ITPR1: variants seen among roughly 807,000 people sequenced by gnomAD.
ITPR1 encodes the protein inositol 1,4,5-trisphosphate-gated calcium channel ITPR1.
ITPR1 carries 96 observed loss-of-function variants against 318.4 expected under a neutral mutation model. That is an observed-to-expected ratio of 0.30 (90% CI 0.26 to 0.36). ITPR1 has a LOEUF of 0.36. ITPR1 is among the 10% of genes least tolerant of loss of function. The pLI is 1.00. For synonymous variants in ITPR1, 1,312 were observed against 1,289.9 expected (o/e 1.02, Z -0.37); for missense variants, 2,440 against 3,460.2 (o/e 0.71, Z 7.40).
chr3:4,657,223 TCAGG>T (rs1407869973), intron 12 of ITPR1, among the ~76,000 whole-genome samples: 8 of 152,104 alleles, frequency 5.3e-5, no homozygotes, highest in Non-Finnish European at 1.2e-4. Flanking sequence ...ACACTTGGAT[TCAGG>T]TTTATTTTGT....
intron 41 of ITPR1, among the ~76,000 whole-genome samples, chr3:4,726,547 A>C (rs933720789): frequency 1.3e-5 from 2 of 152,240 alleles, no homozygotes; most frequent in Admixed American, 1.3e-4. Flanking sequence ...AGACTTAAAA[A>C]TGAAACATGA....
chr3:4,672,038 G>T (rs949968118), intron 20 of ITPR1, among the ~76,000 whole-genome samples: 18 of 152,198 alleles, frequency 1.2e-4, no homozygotes, highest in Non-Finnish European at 7.4e-5. Context: ...AATTTGGACT[G>T]TTGGATGATA....
chr3:4,516,634 C>T (rs931912416), intron 3 of ITPR1, 51 bp downstream of exon 3: 1 of 1,107,070 alleles, frequency 9.0e-7, no homozygotes, highest in Non-Finnish European at 1.4e-6. Flanking sequence ...GACATCATAA[C>T]ATCAGCTTAA....
intron 60 of ITPR1, among the ~76,000 whole-genome samples, chr3:4,832,910 G>A (rs1349189791): frequency 6.6e-6 from 1 of 152,094 alleles, no homozygotes; most frequent in Non-Finnish European, 1.5e-5. Flanking sequence ...GCATGCTGAT[G>A]GGCCCCATTC....
At chr3:4,745,131 C>G (rs78566789) in intron 44 of ITPR1, among the ~76,000 whole-genome samples, 1 of 146,746 alleles carries the variant, frequency 6.8e-6, no homozygotes, top group Non-Finnish European at 1.5e-5. Flanking sequence ...TCCCTCCCTC[C>G]CTCTCTTCCT....
intron 33 of ITPR1, among the ~76,000 whole-genome samples, chr3:4,696,362 A>T (rs1463144232): frequency 6.6e-6 from 1 of 152,168 alleles, no homozygotes; most frequent in Non-Finnish European, 1.5e-5. Flanking sequence ...AATCATACAC[A>T]TGTGGTCTTT....
At chr3:4,526,807 A>G (rs1326681779) in intron 4 of ITPR1, among the ~76,000 whole-genome samples, 1 of 152,194 alleles carries the variant, frequency 6.6e-6, no homozygotes, top group Non-Finnish European at 1.5e-5. Context: ...GGTAGTTCCC[A>G]TGTGCCAGCC....
In ITPR1 at chr3:4,667,529, G is replaced by C. The variant is rs371291291; in HGVS notation, c.1866G>C (p.Val622=). Residue 622 remains valine, a synonymous_variant, in exon 18 of 62, where the codon GTG becomes GTC. Transcript: ENST00000649015. ...AAEIDTFVSL[V]RKNREPRFLD... is the part of the protein sequence containing the mutation. ...AGATTGACACATTTGTCAGCCTGGTGCGAAAGAACAGGGAGCCCAGGTGAG... is the reference window on the plus strand; with the variant it reads ...AGATTGACACATTTGTCAGCCTGGTCCGAAAGAACAGGGAGCCCAGGTGAG... The C allele has an allele frequency of 3.7e-6, 6 of 1,613,458 alleles. No homozygotes were observed. Among genetic ancestry groups the C allele is most frequent in the Non-Finnish European group, 5.1e-6 (6 of 1,179,646 alleles).
chr3:4,568,594 A>G (rs140383769), intron 4 of ITPR1, among the ~76,000 whole-genome samples: 15 of 152,338 alleles, frequency 9.8e-5, no homozygotes, highest in East Asian at 5.8e-4. Flanking sequence ...GTCTTGCCAC[A>G]TGGATAGATA....
Position 4,768,594 on chromosome 3 carries a change from A to G in ITPR1, c.5809A>G (p.Thr1937Ala), listed in dbSNP as rs1196395129. 6.2e-7 allele frequency: 1 copy of G among 1,613,920 alleles called. No homozygotes were observed. Among genetic ancestry groups the G allele is most frequent in the East Asian group, 2.2e-5 (1 of 44,872 alleles). Residue 1937 changes from threonine to alanine, a missense_variant, in exon 46 of 62, where the codon ACT (threonine) becomes GCT (alanine). By Grantham distance (58) the Thr-to-Ala change is moderately conservative. This residue lies in a region of ITPR1 where 113 missense variants were observed against 103.6 expected (regional missense o/e 1.09). Transcript: ENST00000649015. ...ASAATRKAFT[T>A]FRREADPDDH... The stretch of plus-strand genomic sequence containing the variant: ...CGCTGCCACCAGGAAAGCCTTCACC[A>G]CTTTCAGGAGGGAGGCTGATCCCGA...
At chr3:4,632,381 C>G (rs1348432239) in intron 5 of ITPR1, among the ~76,000 whole-genome samples, 2 of 152,134 alleles carry the variant, frequency 1.3e-5, no homozygotes, top group African/African-American at 4.8e-5. Context: ...TCAGATTCCT[C>G]TTGGCCATAC....
chr3:4,703,339 A>AC (rs2094694594), intron 36 of ITPR1, among the ~76,000 whole-genome samples: 2 of 152,302 alleles, frequency 1.3e-5, no homozygotes, highest in African/African-American at 4.8e-5. Context: ...AGCACCTGTC[A>AC]CATCCTAAGG....
chr3:4,704,036 A>T (rs972065823), intron 36 of ITPR1, among the ~76,000 whole-genome samples: 7 of 152,202 alleles, frequency 4.6e-5, no homozygotes, highest in African/African-American at 1.7e-4. Flanking sequence ...GTTCTCACTT[A>T]AAGTGGGAGC....
In ITPR1 at chr3:4,775,329, A is replaced by G; in HGVS notation, c.6067A>G (p.Thr2023Ala). The change falls in exon 47 of 62, where the codon ACT becomes GCT. Residue 2023 changes from threonine (T) to alanine (A), a missense_variant. Thr to Ala is a moderately conservative substitution (Grantham distance 58, BLOSUM62 0). Around this residue, in one of 23 missense-constraint regions of ITPR1, gnomAD observed 76 missense variants for 162.1 expected, o/e 0.47. Transcript: ENST00000649015. ...QFLDCICGST[T>A]GGLGLLGLYI... ...TCTGGACTGTATTTGTGGAAGCACA[A>G]CTGGAGGCCTTGGTCTTCTGGGCTT... 1 of 1,613,670 alleles carries G rather than the reference A, an allele frequency of 6.2e-7. No homozygotes were observed. Among genetic ancestry groups the G allele is most frequent in the Middle Eastern group, 1.7e-4 (1 of 6,060 alleles).
At chr3:4,672,591 C>A (rs902154905) in intron 20 of ITPR1, among the ~76,000 whole-genome samples, 1 of 152,052 alleles carries the variant, frequency 6.6e-6, no homozygotes, top group Non-Finnish European at 1.5e-5. Context: ...CATTCACTTG[C>A]AATTGGATGA....
At chr3:4,758,734 G>T (rs1475503989) in intron 44 of ITPR1, among the ~76,000 whole-genome samples, 4 of 152,198 alleles carry the variant, frequency 2.6e-5, no homozygotes, top group African/African-American at 9.7e-5. Context: ...TAGGCAGAGC[G>T]TGCCTGGAGA....
At chr3:4,795,532 C>T (rs2047842697) in intron 53 of ITPR1, among the ~76,000 whole-genome samples, 1 of 152,214 alleles carries the variant, frequency 6.6e-6, no homozygotes. Context: ...TAACTAATGG[C>T]AGAGCTAACC....
chr3:4,503,743 G>A (rs1328645165), intron 2 of ITPR1, among the ~76,000 whole-genome samples: 1 of 152,068 alleles, frequency 6.6e-6, no homozygotes, highest in Admixed American at 6.5e-5. Context: ...GTAGTGAACC[G>A]GTTAAGAAAC....
intron 60 of ITPR1, among the ~76,000 whole-genome samples, chr3:4,824,635 C>A (rs1181160711): frequency 6.6e-6 from 1 of 152,114 alleles, no homozygotes; most frequent in South Asian, 2.1e-4. Flanking sequence ...AATTAGCCTC[C>A]TTTAAAAGAG....
Sources: allele counts gnomAD v4.1 joint callset (sites outside exome capture counted in the v4.1 genomes callset), GRCh38; gene constraint gnomAD v4.1.1; regional missense constraint gnomAD v4.1.1; transcripts MANE v1.5; gene names NCBI Gene and HGNC (gene_info 2026-07-23, HGNC 2026-07-21).